NPDC1: variants seen among roughly 807,000 people sequenced by gnomAD.
NPDC1 encodes neural proliferation, differentiation and control 1.
Under a neutral mutation model 32.5 loss-of-function variants are expected in NPDC1, and 18 were observed. The ratio of observed to expected loss-of-function variants is 0.55; its 90% confidence interval spans 0.38 to 0.82. The LOEUF is 0.82. Among genes scored for constraint, NPDC1 ranks in the 40% least tolerant of loss-of-function variants. NPDC1 has a pLI of 0.00. For missense variants in NPDC1, 468 were observed against 406.6 expected, an observed-to-expected ratio of 1.15 and a Z score of -1.30; for synonymous variants, 210 against 184.7, an observed-to-expected ratio of 1.14 and a Z score of -1.11.
At chr9:137,041,628 G>C (rs1832057841) in intron 2 of NPDC1, among the ~76,000 whole-genome samples, 1 of 152,184 alleles carries the variant, frequency 6.6e-6, no homozygotes, top group Non-Finnish European at 1.5e-5. Context: ...CAGCTGTCAG[G>C]GGTGGGGCTG....
At chr9:137,040,249 A>G in intron 7 of NPDC1, 108 bp downstream of exon 7, 1 of 992,764 alleles carries the variant, frequency 1.0e-6, no homozygotes. Flanking sequence ...CGTGCAGGTG[A>G]GGGTGGCAGG....
In NPDC1 at chr9:137,040,776, C is replaced by T. The variant is rs751878205; in HGVS notation, c.556+38G>A. ...CGTGTGAGGGCGGCCTTCTGCAGGG[C>T]GCCCTGCTGCCCCTGCCCACCCCCG... On this transcript the variant is annotated intron_variant, in intron 4 of 8. Transcript: ENST00000371601. The T allele has an allele frequency of 1.5e-5, 23 of 1,584,182 alleles. No individual in the cohort carries two copies. The Admixed American group carries it at 2.5e-4, about 17-fold the overall frequency.
chr9:137,045,914 C>T lies in NPDC1; in HGVS notation c.76G>A (p.Gly26Ser), dbSNP rs1832123380. The change falls in exon 1 of 9, where the codon GGC becomes AGC. Residue 26 changes from glycine (G) to serine (S), a missense_variant. Coordinates refer to ENST00000371601, the MANE Select transcript of NPDC1 (RefSeq NM_015392.4). The stretch of plus-strand genomic sequence containing the variant: ...GCGGCGGCTCCACGCAGGGCGGCGC[C>T]GAGGACGAGGCCGGAGAGCAGCAGC... The part of the protein sequence containing the change: ...LRLLLSGLVL[G>S]AALRGAAAGH... 11 of 1,158,204 alleles carry T rather than the reference C, an allele frequency of 9.5e-6. No individual in the cohort carries two copies. Among genetic ancestry groups the T allele is most frequent in the Non-Finnish European group, 1.2e-5 (11 of 941,056 alleles). 71.7% of individuals were successfully genotyped at this position (1,158,204 alleles called of 1,614,324 possible).
chr9:137,043,559 A>G (rs2131503451), intron 1 of NPDC1: 2 of 594,398 alleles, frequency 3.4e-6, no homozygotes, highest in African/African-American at 1.9e-5. Flanking sequence ...GGCACTGACA[A>G]GTGTGCAGCC....
At chr9:137,044,357 C>T (rs1832097669) in intron 1 of NPDC1, among the ~76,000 whole-genome samples, 1 of 152,216 alleles carries the variant, frequency 6.6e-6, no homozygotes, top group African/African-American at 2.4e-5. Flanking sequence ...GCAGGTCCAC[C>T]TGGGCCCACC....
chr9:137,042,491 T>G lies in NPDC1; in HGVS notation c.259+436A>C, dbSNP rs138328267. Among the ~76,000 whole-genome samples, 981 of 151,472 alleles carry G rather than the reference T, an allele frequency of 6.5e-3. 13 individuals are homozygous for G. Among genetic ancestry groups the G allele is most frequent in the African/African-American group, 0.023 (933 of 41,250 alleles). On this transcript the variant is annotated intron_variant, in intron 2 of 8. Transcript: ENST00000371601. ...CCAGGATGGTCTCGATCTCCTGACC[T>G]TATGATGTGCCCGCCTCGGCCTCCC...
At position 137,040,444 on chromosome 9, in the gene NPDC1, A is replaced by G. The variant is rs1564245960; in HGVS notation, c.709-8T>C. On this transcript the variant is annotated splice_polypyrimidine_tract_variant and splice_region_variant and intron_variant, in intron 6 of 8. Transcript: ENST00000371601. The stretch of plus-strand genomic sequence containing the variant: ...CAGCCGCTGGTCCCCAGGCTGTGGG[A>G]AGGAGGAGGCGAGGGTCAGTTGGCG... 1 of 1,556,796 alleles carries G rather than the reference A, an allele frequency of 6.4e-7. No homozygotes were observed. Among genetic ancestry groups the G allele is most frequent in the Non-Finnish European group, 8.7e-7 (1 of 1,151,946 alleles).
chr9:137,045,355 C>A (rs1196535155), intron 1 of NPDC1, among the ~76,000 whole-genome samples: 1 of 152,270 alleles, frequency 6.6e-6, no homozygotes, highest in Admixed American at 6.5e-5. Flanking sequence ...TAAGTGCCCC[C>A]AGAACTTCAG....
chr9:137,043,586 C>T, intron 1 of NPDC1: 1 of 569,156 alleles, frequency 1.8e-6, no homozygotes, highest in South Asian at 2.3e-5. Context: ...GGATGCTGCT[C>T]CTCCAGCCTC....
In NPDC1 at chr9:137,042,918, C is replaced by T. The variant is rs777162407; in HGVS notation, c.259+9G>A. 1.3e-5 allele frequency: 20 copies of T among 1,587,306 alleles called. No individual in the cohort carries two copies. The highest frequency in any genetic ancestry group is 1.7e-4 in the Middle Eastern group (1 of 5,952). On this transcript the variant is annotated intron_variant, in intron 2 of 8. Coordinates refer to ENST00000371601, the MANE Select transcript of NPDC1 (RefSeq NM_015392.4). ...ATCCCCCCATCGACTTCCCCCTTTG[C>T]TCTCGTACCTGGAGGCCGGCGCATC...
rs551579716 is a variant in NPDC1 at position 137,039,503 on chromosome 9, G to C, written c.*269C>G. On this transcript the variant is annotated 3_prime_UTR_variant, in exon 9 of 9. Transcript: ENST00000371601. ...GGACTTTAATTGGCTTTTGTCTCTA[G>C]AATTACCCACCCGTTCCTGCGCTCT... The C allele has an allele frequency of 2.5e-6, 1 of 406,458 alleles. No individual in the cohort carries two copies. The highest frequency in any genetic ancestry group is 4.2e-5 in the Admixed American group (1 of 23,690). 25.2% of individuals were successfully genotyped at this position (406,458 alleles called of 1,614,324 possible).
chr9:137,042,134 A>G (rs1054497239), intron 2 of NPDC1, among the ~76,000 whole-genome samples: 2 of 152,172 alleles, frequency 1.3e-5, no homozygotes, highest in Non-Finnish European at 2.9e-5. Context: ...CTCCATTTGG[A>G]AAGGATGGGA....
chr9:137,045,790 G>A (rs913326404), intron 1 of NPDC1, 88 bp downstream of exon 1: 2 of 872,308 alleles, frequency 2.3e-6, no homozygotes, highest in African/African-American at 3.7e-5. Flanking sequence ...TGGGCAGGAC[G>A]AGGGCGGCGG....
intron 2 of NPDC1, among the ~76,000 whole-genome samples, chr9:137,042,150 C>T (rs1339458782): frequency 6.6e-6 from 1 of 152,192 alleles, no homozygotes; most frequent in Admixed American, 6.5e-5. Flanking sequence ...TGGGAGGCTT[C>T]GTGGAGAGTG....
At chr9:137,041,968 G>A (rs1832063182) in intron 2 of NPDC1, among the ~76,000 whole-genome samples, 1 of 152,266 alleles carries the variant, frequency 6.6e-6, no homozygotes, top group Non-Finnish European at 1.5e-5. Flanking sequence ...AAGCTGCCTG[G>A]GGACGGGGAA....
At chr9:137,039,915 G>A in intron 8 of NPDC1, 51 bp from the exon 9 acceptor site, 1 of 778,834 alleles carries the variant, frequency 1.3e-6, no homozygotes, top group South Asian at 1.3e-5. Flanking sequence ...GGGGATACTT[G>A]CTGGGAGGGA....
At chr9:137,043,106 C>T (rs765432806) in intron 1 of NPDC1, 33 bp from the exon 2 acceptor site, 24 of 1,608,116 alleles carry the variant, frequency 1.5e-5, no homozygotes, top group East Asian at 9.0e-5. Flanking sequence ...GGCCGGCTCA[C>T]GGCCCCGCAG....
intron 1 of NPDC1, among the ~76,000 whole-genome samples, chr9:137,045,668 C>A (rs1253964711): frequency 6.6e-6 from 1 of 152,198 alleles, no homozygotes; most frequent in Non-Finnish European, 1.5e-5. Context: ...CCCCATCCGG[C>A]GCGGCCTTTT....
At chr9:137,043,421 C>T (rs1225706017) in intron 1 of NPDC1, 2 of 671,584 alleles carry the variant, frequency 3.0e-6, no homozygotes, top group African/African-American at 3.6e-5. Context: ...CCTCAACATG[C>T]CCCACAGCAA....
Sources: gnomAD v4.1 joint callset for allele counts (sites outside exome capture counted in the v4.1 genomes callset) on GRCh38, gnomAD v4.1.1 for gene constraint, MANE v1.5 for transcripts, NCBI Gene and HGNC (gene_info 2026-07-23, HGNC 2026-07-21) for gene names.